Variants in APOOL observed in about 807,000 individuals in gnomAD.
The protein encoded by APOOL is MICOS complex subunit MIC27.
A neutral mutation model predicts 23.1 loss-of-function variants in APOOL; 12 were observed. The ratio of observed to expected loss-of-function variants is 0.52; its 90% CI spans 0.33 to 0.84. The LOEUF is 0.84. Ranked by LOEUF, APOOL falls within the 40% of genes least tolerant of loss-of-function variation. The pLI, the probability that APOOL is intolerant of heterozygous loss-of-function variation, is 0.02. For synonymous variants in APOOL, 77 were observed against 69.9 expected (o/e 1.10, Z -0.51); for missense variants, 212 against 199.6 (o/e 1.06, Z -0.37).
chrX:85,071,168 A>C (rs1356277665), intron 6 of APOOL, among the ~76,000 whole-genome samples: 2 of 111,234 alleles, frequency 1.8e-5, no homozygotes, highest in Non-Finnish European at 3.8e-5. Flanking sequence ...TGAAAGACTA[A>C]ATGTTGAAAT....
In APOOL at chrX:85,092,924, C is replaced by T; in HGVS notation, c.*5246C>T. On this transcript the variant is annotated 3_prime_UTR_variant, in exon 9 of 9. Coordinates refer to ENST00000373173, the MANE Select transcript of APOOL (RefSeq NM_198450.6). The stretch of plus-strand genomic sequence containing the variant: ...TTTGAATAAAAATGCTTTCTAATCT[C>T]CCTCCTTCTTACTTTCCCTTGATAG... 2 of 328,760 alleles carry T rather than the reference C, an allele frequency of 6.1e-6. No individual in the cohort carries two copies. Among genetic ancestry groups the T allele is most frequent in the Non-Finnish European group, 1.1e-5 (2 of 187,777 alleles). The allele number at this position is 328,760 out of a possible 1,213,427, so 27.1% of individuals were successfully genotyped here. A position where few individuals can be genotyped will look rare whatever the true frequency, so the allele number is the denominator to read the frequency against.
At chrX:85,061,428 A>G (rs902300756) in intron 5 of APOOL, among the ~76,000 whole-genome samples, 1 of 111,552 alleles carries the variant, frequency 9.0e-6, no homozygotes, top group African/African-American at 3.3e-5. Flanking sequence ...CTCTTTTTCT[A>G]TTGATCGGAA....
At chrX:85,016,608 C>T (rs780406947) in intron 1 of APOOL, among the ~76,000 whole-genome samples, 1 of 107,480 alleles carries the variant, frequency 9.3e-6, no homozygotes, top group African/African-American at 3.4e-5. Context: ...TCTATACATT[C>T]CTCTAGGCTG....
intron 5 of APOOL, among the ~76,000 whole-genome samples, chrX:85,061,736 A>G (rs1425382516): frequency 9.0e-6 from 1 of 111,539 alleles, no homozygotes; most frequent in Non-Finnish European, 1.9e-5. Context: ...TATCCCCTTT[A>G]TCATTTTTTA....
intron 1 of APOOL, among the ~76,000 whole-genome samples, chrX:85,006,026 C>T (rs1011635642): frequency 8.9e-6 from 1 of 112,235 alleles, no homozygotes; most frequent in African/African-American, 3.2e-5. Context: ...TGCTAAAACA[C>T]GTTACATGTG....
intron 1 of APOOL, among the ~76,000 whole-genome samples, chrX:85,008,239 G>A (rs768966020): frequency 9.0e-6 from 1 of 111,396 alleles, no homozygotes; most frequent in Non-Finnish European, 1.9e-5. Context: ...TAGTTTATAT[G>A]TATCACTTCA....
At chrX:85,028,467 A>G (rs1254322539) in intron 1 of APOOL, among the ~76,000 whole-genome samples, 1 of 111,579 alleles carries the variant, frequency 9.0e-6, no homozygotes, top group Admixed American at 9.5e-5. Context: ...GTAGGCATGC[A>G]ATGTGAAATA....
At chrX:85,052,997 T>C (rs1466009366) in intron 3 of APOOL, among the ~76,000 whole-genome samples, 3 of 112,030 alleles carry the variant, frequency 2.7e-5, no homozygotes, top group African/African-American at 9.7e-5. Context: ...CAGTGCATTT[T>C]GTCCTAAATG....
chrX:85,010,621 C>A (rs1020962317), intron 1 of APOOL, among the ~76,000 whole-genome samples: 4 of 111,796 alleles, frequency 3.6e-5, no homozygotes, highest in African/African-American at 1.3e-4. Context: ...ACCTGAGTTA[C>A]TTCACTTGGA....
At position 85,092,405 on chromosome X, in the gene APOOL, C is replaced by G. The variant is rs781101928; in HGVS notation, c.*4727C>G. On this transcript the variant is annotated 3_prime_UTR_variant, in exon 9 of 9. Transcript: ENST00000373173. ...CAAAGCCTCTTTCATTCTTCCCATG[C>G]CATGTCCAGGAGTTCTTCTCTGTTA... is the stretch of plus-strand genomic sequence containing the variant. 5.8e-5 allele frequency: 68 copies of G among 1,168,930 alleles called. No homozygotes were observed. The highest frequency in any genetic ancestry group is 7.0e-5 in the Non-Finnish European group (61 of 875,124).
chrX:85,014,714 T>C (rs1461758098), intron 1 of APOOL, among the ~76,000 whole-genome samples: 1 of 110,237 alleles, frequency 9.1e-6, no homozygotes, highest in Non-Finnish European at 1.9e-5. Flanking sequence ...TTTTTCTTTA[T>C]AGTTTACCTG....
intron 1 of APOOL, among the ~76,000 whole-genome samples, chrX:85,044,847 G>T (rs1922521642): frequency 9.0e-6 from 1 of 111,439 alleles, no homozygotes; most frequent in Admixed American, 9.6e-5. Flanking sequence ...TACATTATAT[G>T]AAGTAACATG....
chrX:85,017,048 A>G (rs1339503053), intron 1 of APOOL, among the ~76,000 whole-genome samples: 1 of 112,145 alleles, frequency 8.9e-6, no homozygotes, highest in Non-Finnish European at 1.9e-5. Context: ...GGTAATGGGC[A>G]GGGCCATAAA....
chrX:85,053,757 A>G (rs2147648427), intron 3 of APOOL, among the ~76,000 whole-genome samples: 1 of 111,851 alleles, frequency 8.9e-6, no homozygotes, highest in Non-Finnish European at 1.9e-5. Context: ...AATTCCTCTG[A>G]TGTATTAACA....
At chrX:85,004,188 G>C (rs1202832019) in intron 1 of APOOL, among the ~76,000 whole-genome samples, 2 of 111,728 alleles carry the variant, frequency 1.8e-5, no homozygotes, top group Non-Finnish European at 3.8e-5. Context: ...ACTGGGAAAC[G>C]GCTGGGTGAA....
chrX:85,012,300 T>A (rs2147471874), intron 1 of APOOL, among the ~76,000 whole-genome samples: 1 of 111,433 alleles, frequency 9.0e-6, no homozygotes, highest in Non-Finnish European at 1.9e-5. Context: ...ACAGCAGTGG[T>A]TTGACTTCCT....
intron 1 of APOOL, 88 bp from the exon 2 acceptor site, chrX:85,046,358 A>C: frequency 2.7e-6 from 2 of 735,075 alleles, no homozygotes; most frequent in Non-Finnish European, 4.0e-6. Flanking sequence ...AAACCAATAG[A>C]TTTCCTGAGA....
intron 1 of APOOL, among the ~76,000 whole-genome samples, chrX:85,015,538 T>G (rs983160225): frequency 3.0e-5 from 3 of 101,379 alleles, no homozygotes; most frequent in Non-Finnish European, 6.0e-5. Flanking sequence ...AGGATCGGAC[T>G]TTAATATTTA....
At chrX:85,052,956 TCAAA>T (rs1213402241) in intron 3 of APOOL, among the ~76,000 whole-genome samples, 2 of 112,067 alleles carry the variant, frequency 1.8e-5, no homozygotes, top group East Asian at 5.6e-4. Context: ...ATTAATATGC[TCAAA>T]CAAATAGGTT....
Sources: allele counts gnomAD v4.1 joint callset (sites outside exome capture counted in the v4.1 genomes callset), GRCh38; gene constraint gnomAD v4.1.1; transcripts MANE v1.5; gene names NCBI Gene and HGNC (gene_info 2026-07-23, HGNC 2026-07-21).